FER1L6: variants seen among roughly 807,000 people sequenced by gnomAD.
FER1L6 encodes the protein fer-1 like family member 6.
A neutral mutation model predicts 219.2 loss-of-function variants in FER1L6; 177 were observed. That is an observed-to-expected ratio of 0.81 (90% CI 0.71 to 0.91). The LOEUF (loss-of-function observed/expected upper bound fraction) is 0.91. Ranked by LOEUF, FER1L6 falls within the 40% of genes least tolerant of loss-of-function variation. FER1L6 has a pLI of 0.00. For synonymous variants in FER1L6, 768 were observed against 824.3 expected (o/e 0.93, Z 1.17); for missense variants, 2,153 against 2,259.9 (o/e 0.95, Z 0.96).
At chr8:123,953,583 C>T (rs777442642) in intron 1 of FER1L6, among the ~76,000 whole-genome samples, 20 of 152,168 alleles carry the variant, frequency 1.3e-4, no homozygotes, top group Non-Finnish European at 1.9e-4. Context: ...ATGCATCAGG[C>T]GCTGGCTTCC....
At chr8:124,041,034 C>G (rs1276877669) in intron 20 of FER1L6, among the ~76,000 whole-genome samples, 1 of 152,190 alleles carries the variant, frequency 6.6e-6, no homozygotes, top group African/African-American at 2.4e-5. Context: ...TCCTAATCAG[C>G]AAAAATCCAG....
At chr8:124,104,535 C>T (rs1438140242) in intron 39 of FER1L6, among the ~76,000 whole-genome samples, 1 of 152,100 alleles carries the variant, frequency 6.6e-6, no homozygotes, top group African/African-American at 2.4e-5. Flanking sequence ...GATATCTATT[C>T]CAAGTGAAAG....
chr8:124,011,294 G>T (rs1425987347), intron 14 of FER1L6, among the ~76,000 whole-genome samples: 1 of 152,116 alleles, frequency 6.6e-6, no homozygotes, highest in African/African-American at 2.4e-5. Context: ...CTCAGTTTCA[G>T]ACTTCCTCAG....
intron 1 of FER1L6, among the ~76,000 whole-genome samples, chr8:123,917,246 G>A (rs1813216286): frequency 6.6e-6 from 1 of 152,200 alleles, no homozygotes. Flanking sequence ...ATGGTGACCA[G>A]ACACACATTT....
rs1399417752 is a variant in FER1L6, at chr8:123,865,335, C to T, written c.-8+13150C>T. Among the ~76,000 whole-genome samples the T allele has an allele frequency of 5.4e-5, 8 of 149,236 alleles. 1 individual carries two copies. The highest frequency in any genetic ancestry group is 1.8e-4 in the African/African-American group (7 of 39,352). On this transcript the variant is annotated intron_variant, in intron 1 of 40. Transcript: ENST00000522917. ...GACCCACTTGAGGAGGCAGTCTGCC[C>T]GTTCTCAGATCTCCAGCTGCGTGCT... is the stretch of plus-strand genomic sequence containing the variant.
intron 1 of FER1L6, among the ~76,000 whole-genome samples, chr8:123,894,088 A>T (rs1812700820): frequency 6.6e-6 from 1 of 152,152 alleles, no homozygotes; most frequent in Non-Finnish European, 1.5e-5. Flanking sequence ...TTTTTTTCTG[A>T]TAAACATAGA....
intron 39 of FER1L6, among the ~76,000 whole-genome samples, chr8:124,113,894 CTG>C (rs1200450817): frequency 2.6e-5 from 4 of 152,210 alleles, no homozygotes; most frequent in Non-Finnish European, 5.9e-5. Context: ...ATTAGTGATG[CTG>C]TGTTTGCTCA....
intron 1 of FER1L6, among the ~76,000 whole-genome samples, chr8:123,919,540 C>T (rs1202831437): frequency 1.3e-5 from 2 of 152,196 alleles, no homozygotes; most frequent in Non-Finnish European, 2.9e-5. Flanking sequence ...CTGGAGGAGC[C>T]ACCTCTGCTC....
intron 10 of FER1L6, among the ~76,000 whole-genome samples, chr8:123,979,250 C>T (rs1816219668): frequency 6.6e-6 from 1 of 152,126 alleles, no homozygotes; most frequent in South Asian, 2.1e-4. Context: ...TTCCTAAGGG[C>T]CTGCGTGAAG....
rs975640325 is a variant in FER1L6, at chr8:124,111,145, A to G, written c.5290-7699A>G. Among the ~76,000 whole-genome samples the G allele has an allele frequency of 6.6e-6, 1 of 152,240 alleles. No homozygotes were observed. Among genetic ancestry groups the G allele is most frequent in the African/African-American group, 2.4e-5 (1 of 41,462 alleles). On this transcript the variant is annotated intron_variant, in intron 39 of 40. Coordinates refer to ENST00000522917, the MANE Select transcript of FER1L6 (RefSeq NM_001039112.2). This position sits in a 1 kb window ranked among gnomAD's most constrained non-coding sequence, Gnocchi z 5.0. ...TTTATATACGTTACAGAGAGAAGAG[A>G]AAGTACTTACAACTTTTCTAAAGTA...
chr8:123,853,226 C>A lies in FER1L6; in HGVS notation c.-8+1041C>A, dbSNP rs937825338. On this transcript the variant is annotated intron_variant, in intron 1 of 40. Transcript: ENST00000522917. The surrounding 1 kb of genome is among the most constrained non-coding windows in gnomAD (Gnocchi z 6.6). ...CTGGAGTGCAGTGGTACAATCTTGG[C>A]TCACTGCAGCCGCCACCTCCCAGGT... 2.0e-5 allele frequency among the ~76,000 whole-genome samples: 3 copies of A among 152,284 alleles called. No homozygotes were observed. Among genetic ancestry groups the A allele is most frequent in the African/African-American group, 7.2e-5 (3 of 41,552 alleles).
At chr8:124,091,288 C>G in intron 33 of FER1L6, 135 bp from the exon 34 acceptor site, 2 of 612,678 alleles carry the variant, frequency 3.3e-6, no homozygotes, top group Non-Finnish European at 5.3e-6. Flanking sequence ...TGTGTTTGGC[C>G]AGAAAAGAGA....
rs1273483972 is a variant in FER1L6, at chr8:124,103,134, A to G, written c.5126-12A>G. On this transcript the variant is annotated splice_polypyrimidine_tract_variant and intron_variant, in intron 38 of 40. Transcript: ENST00000522917. ...AAATGCTTCCCTAACTGTTAGGGTCATCTCTCCACAGGCACCCTGGAAATG... is the reference window on the plus strand; with the variant it reads ...AAATGCTTCCCTAACTGTTAGGGTCGTCTCTCCACAGGCACCCTGGAAATG... 6.2e-7 allele frequency: 1 copy of G among 1,612,276 alleles called. No homozygotes were observed. Among genetic ancestry groups the G allele is most frequent in the South Asian group, 1.1e-5 (1 of 90,610 alleles).
chr8:123,872,103 T>TGA (rs1375654003), intron 1 of FER1L6, among the ~76,000 whole-genome samples: 2 of 150,228 alleles, frequency 1.3e-5, no homozygotes, highest in South Asian at 2.1e-4. Flanking sequence ...ATGGCAGGAG[T>TGA]GAGAGAGAGA....
Position 123,980,534 on chromosome 8 carries a change from A to G in FER1L6, c.1133A>G (p.Asp378Gly), listed in dbSNP as rs767591551. 13 of 1,614,152 alleles carry G rather than the reference A, an allele frequency of 8.1e-6. No homozygotes were observed. Among genetic ancestry groups the G allele is most frequent in the Non-Finnish European group, 1.1e-5 (13 of 1,179,998 alleles). ...YGSPRNHSLMDDYQEMNEGFG... is the reference protein window; with the variant it reads ...YGSPRNHSLMGDYQEMNEGFG... ...TCGCCCAGGAACCACAGTCTGATGG[A>G]TGACTACCAGGAAATGAACGAAGGC... The change falls in exon 11 of 41, where the codon GAT becomes GGT. Residue 378 changes from aspartate (D) to glycine (G), a missense_variant. Physicochemically the swap from Asp to Gly is moderately conservative, Grantham distance 94. Coordinates refer to ENST00000522917, the MANE Select transcript of FER1L6 (RefSeq NM_001039112.2).
At chr8:124,095,303 T>C (rs1317593582) in intron 35 of FER1L6, among the ~76,000 whole-genome samples, 1 of 152,188 alleles carries the variant, frequency 6.6e-6, no homozygotes, top group Non-Finnish European at 1.5e-5. Context: ...AATGCTGAAT[T>C]TGAGAAGCCC....
intron 39 of FER1L6, among the ~76,000 whole-genome samples, chr8:124,106,328 CAAAAAAAAAAAAAAAAA>C (rs71289636): frequency 1.9e-4 from 12 of 63,850 alleles, no homozygotes; most frequent in African/African-American, 7.7e-4. Context: ...GACTCTGTCT[CAAAAAAAAAAAAAAAAA>C]AAAAAAAAAA....
chr8:123,977,047 T>C (rs1320676372), intron 9 of FER1L6, among the ~76,000 whole-genome samples: 1 of 152,244 alleles, frequency 6.6e-6, no homozygotes, highest in African/African-American at 2.4e-5. Flanking sequence ...ACCTCCATTT[T>C]ATGACAAGGA....
intron 1 of FER1L6, among the ~76,000 whole-genome samples, chr8:123,877,935 G>T (rs1406059561): frequency 6.6e-6 from 1 of 152,136 alleles, no homozygotes; most frequent in African/African-American, 2.4e-5. Context: ...AAGGAAAAAA[G>T]GGGTGAGGGT....
Sources: gnomAD v4.1 joint callset for allele counts (sites outside exome capture counted in the v4.1 genomes callset) on GRCh38, gnomAD v4.1.1 for gene constraint, Gnocchi (gnomAD v3.1) non-coding constraint, MANE v1.5 for transcripts, NCBI Gene and HGNC (gene_info 2026-07-23, HGNC 2026-07-21) for gene names.